The following PPEF2 variants were observed in gnomAD, a reference collection of about 807,000 sequenced individuals.
PPEF2 encodes the protein protein phosphatase with EF-hand domain 2.
PPEF2 carries 84 observed loss-of-function variants against 84.7 expected under a neutral mutation model. The observed-to-expected ratio is 0.99, with a 90% confidence interval of 0.83 to 1.19. The LOEUF (loss-of-function observed/expected upper bound fraction) is 1.19, where lower values mean the gene tolerates loss of function less well. Among genes scored for constraint, PPEF2 ranks in the 50% most tolerant of loss-of-function variants. The probability of loss-of-function intolerance (pLI) is 0.00; values close to 1 mark genes in which losing one functional copy is unlikely to be tolerated. For missense variants in PPEF2, 924 were observed against 937.5 expected (o/e 0.99, Z 0.19); for synonymous variants, 346 against 345.2 (o/e 1.00, Z -0.03).
intron 1 of PPEF2, among the ~76,000 whole-genome samples, chr4:75,896,692 T>C (rs1415623655): frequency 6.6e-6 from 1 of 152,170 alleles, no homozygotes. Flanking sequence ...ACCCAACCTC[T>C]CTTGTCTTCT....
Position 75,888,232 on chromosome 4 carries a change from C to G in PPEF2, c.514G>C (p.Glu172Gln), listed in dbSNP as rs59186188. 2 of 1,612,276 alleles carry G rather than the reference C, an allele frequency of 1.2e-6. No individual in the cohort carries two copies. Among genetic ancestry groups the G allele is most frequent in the Non-Finnish European group, 1.7e-6 (2 of 1,178,356 alleles). Reference sequence around the variant, plus strand: ...CTCTTACCACACACTGTGATCTCCTCACTGTAACAGGTTGAGACCCGGTTG... The same window carrying G: ...CTCTTACCACACACTGTGATCTCCTGACTGTAACAGGTTGAGACCCGGTTG... ...NINRVSTCYS[E>Q]EITVCGDLHG... The change falls in exon 6 of 17, where the codon GAG becomes CAG. Residue 172 changes from glutamate to glutamine, a missense_variant. Physicochemically the swap from Glu to Gln is conservative, Grantham distance 29. Coordinates refer to ENST00000286719, the MANE Select transcript of PPEF2 (RefSeq NM_006239.3).
intron 10 of PPEF2, among the ~76,000 whole-genome samples, chr4:75,877,213 TG>T (rs1187522566): frequency 6.6e-6 from 1 of 151,798 alleles, no homozygotes; most frequent in African/African-American, 2.4e-5. Context: ...GGTGCATGCC[TG>T]TAATCCCAGC....
chr4:75,865,265 T>A (rs1298342836), intron 15 of PPEF2, among the ~76,000 whole-genome samples: 1 of 152,036 alleles, frequency 6.6e-6, no homozygotes, highest in Non-Finnish European at 1.5e-5. Context: ...AAAATATTTT[T>A]AATAATTTTG....
At chr4:75,878,270 C>T (rs754085028) in intron 10 of PPEF2, among the ~76,000 whole-genome samples, 1 of 152,120 alleles carries the variant, frequency 6.6e-6, no homozygotes, top group Non-Finnish European at 1.5e-5. Context: ...ATAAGTGGCA[C>T]GAATTCTGAT....
intron 4 of PPEF2, among the ~76,000 whole-genome samples, chr4:75,890,488 C>CAAAAAAAAAAA (rs10710879): frequency 4.8e-5 from 6 of 124,602 alleles, no homozygotes; most frequent in Admixed American, 1.6e-4. Flanking sequence ...GACCCTGTCT[C>CAAAAAAAAAAA]AAAAAAAAAA....
chr4:75,874,961 G>T (rs563113744), intron 11 of PPEF2, among the ~76,000 whole-genome samples: 1 of 151,022 alleles, frequency 6.6e-6, no homozygotes, highest in East Asian at 2.0e-4. Flanking sequence ...AAGTGCAGTG[G>T]CACGATCTCG....
intron 13 of PPEF2, among the ~76,000 whole-genome samples, chr4:75,868,957 T>TA (rs1481831202): frequency 6.6e-6 from 1 of 152,058 alleles, no homozygotes; most frequent in Non-Finnish European, 1.5e-5. Context: ...TACAGTAAGC[T>TA]ATCTATGATC....
rs1242729542 is a variant in PPEF2 at position 75,879,060 on chromosome 4, TTTTCCCCATCTTATG to T, written c.934-2402_934-2388del. 3.3e-5 allele frequency among the ~76,000 whole-genome samples: 5 copies of T among 152,314 alleles called. No individual in the cohort carries two copies. The East Asian group carries it at 9.6e-4, about 29-fold the overall frequency. The stretch of plus-strand genomic sequence containing the variant: ...TGGTAAGAAGTCCTATTAATGACTG[TTTTCCCCATCTTATG>T]TTTCCAGTGATTTTTAACATCCACT... On this transcript the variant is annotated intron_variant, in intron 10 of 16. Coordinates refer to ENST00000286719, the MANE Select transcript of PPEF2 (RefSeq NM_006239.3).
Position 75,860,810 on chromosome 4 carries a change from T to C in PPEF2, c.2119A>G (p.Asn707Asp), listed in dbSNP as rs553982656. The change falls in exon 17 of 17, where the codon AAC becomes GAC. Residue 707 changes from asparagine (N) to aspartate (D), a missense_variant. Asn to Asp is a conservative substitution (Grantham distance 23, BLOSUM62 1). Coordinates refer to ENST00000286719, the MANE Select transcript of PPEF2 (RefSeq NM_006239.3). ...TTGATATCAATGTGGCCATCTTTGT[T>C]GAAATCAATGCTCCGAGCAAGGTCA... is the stretch of plus-strand genomic sequence containing the variant. The part of the protein sequence containing the change: ...ICDLARSIDF[N>D]KDGHIDINEF... 6.8e-6 allele frequency: 11 copies of C among 1,614,248 alleles called. No individual in the cohort carries two copies. In the Admixed American group the frequency reaches 1.8e-4, roughly 27 times the overall value.
chr4:75,877,003 G>GA (rs1266452620), intron 10 of PPEF2, among the ~76,000 whole-genome samples: 1 of 2,928 alleles, frequency 3.4e-4, no homozygotes, highest in East Asian at 0.042. Flanking sequence ...GGGAGACCCT[G>GA]AAAAAAGAAA....
At chr4:75,868,629 G>A (rs1489614212) in intron 13 of PPEF2, among the ~76,000 whole-genome samples, 4 of 151,884 alleles carry the variant, frequency 2.6e-5, no homozygotes, top group African/African-American at 7.3e-5. Context: ...CTGGGAGGTC[G>A]AGGCTGCAGT....
At chr4:75,863,974 G>A (rs1421442740) in intron 16 of PPEF2, among the ~76,000 whole-genome samples, 1 of 151,512 alleles carries the variant, frequency 6.6e-6, no homozygotes, top group Non-Finnish European at 1.5e-5. Flanking sequence ...CCGGGTACAA[G>A]CAATTCTCCT....
chr4:75,901,347 C>G (rs577181024), intron 1 of PPEF2, among the ~76,000 whole-genome samples: 1 of 152,234 alleles, frequency 6.6e-6, no homozygotes, highest in East Asian at 1.9e-4. Flanking sequence ...GAAATCCTAT[C>G]TCTACTAAAA....
At chr4:75,883,224 G>C in intron 8 of PPEF2, 22 bp from the exon 9 acceptor site, 1 of 1,603,938 alleles carries the variant, frequency 6.2e-7, no homozygotes, top group East Asian at 2.2e-5. Context: ...AGCACAAATA[G>C]ATATTAGAGT....
At chr4:75,861,759 G>A (rs1405747374) in intron 16 of PPEF2, among the ~76,000 whole-genome samples, 2 of 139,936 alleles carry the variant, frequency 1.4e-5, no homozygotes, top group African/African-American at 2.5e-5. Flanking sequence ...ACAGGCACCC[G>A]CCACCACTCC....
At chr4:75,901,038 C>A (rs1329858878) in intron 1 of PPEF2, among the ~76,000 whole-genome samples, 1 of 152,068 alleles carries the variant, frequency 6.6e-6, no homozygotes, top group African/African-American at 2.4e-5. Context: ...GAGAGATTTC[C>A]ATTTTTAACT....
intron 16 of PPEF2, among the ~76,000 whole-genome samples, chr4:75,863,624 C>T (rs1724059146): frequency 6.6e-6 from 1 of 151,792 alleles, no homozygotes; most frequent in African/African-American, 2.4e-5. Flanking sequence ...GTGAATTATG[C>T]CTTAAAAGAA....
chr4:75,866,300 T>C lies in PPEF2; in HGVS notation c.1809A>G (p.Leu603=), dbSNP rs1166314895. 6.2e-7 allele frequency: 1 copy of C among 1,614,166 alleles called. No homozygotes were observed. Among genetic ancestry groups the C allele is most frequent in the South Asian group, 1.1e-5 (1 of 91,076 alleles). The change falls in exon 15 of 17, where the codon CTA becomes CTG. Residue 603 remains leucine, a synonymous_variant. Transcript: ENST00000286719. ...WAAAVESVLH[L]GLPWRMLRPQ... is the part of the protein sequence containing the mutation. Reference sequence around the variant, plus strand: ...GCCTCAGCATCCGCCATGGCAGTCCTAGGTGCAACACAGACTCCACCGCTG... The same window carrying C: ...GCCTCAGCATCCGCCATGGCAGTCCCAGGTGCAACACAGACTCCACCGCTG...
chr4:75,861,424 GT>G (rs1723996397), intron 16 of PPEF2, among the ~76,000 whole-genome samples: 1 of 121,314 alleles, frequency 8.2e-6, no homozygotes, highest in Admixed American at 1.0e-4. Context: ...GGAAAGAATA[GT>G]TTTTTTCAAC....
Sources: allele counts gnomAD v4.1 joint callset (sites outside exome capture counted in the v4.1 genomes callset), GRCh38; gene constraint gnomAD v4.1.1; transcripts MANE v1.5; gene names NCBI Gene and HGNC (gene_info 2026-07-23, HGNC 2026-07-21).